The following PIWIL4 variants were observed in gnomAD, a reference collection of about 807,000 sequenced individuals.
PIWIL4 encodes piwi like RNA-mediated gene silencing 4.
In PIWIL4, 50 loss-of-function variants were observed where a neutral mutation model predicts 100.9. The ratio of observed to expected loss-of-function variants is 0.50; its 90% confidence interval spans 0.39 to 0.63. The LOEUF (loss-of-function observed/expected upper bound fraction) is 0.63, where lower values mean the gene tolerates loss of function less well. Among genes scored for constraint, PIWIL4 ranks in the 20% least tolerant of loss-of-function variants. The pLI, the probability that PIWIL4 is intolerant of heterozygous loss-of-function variation, is 0.00. For synonymous variants in PIWIL4, 342 were observed against 367.5 expected, an observed-to-expected ratio of 0.93 and a Z score of 0.79; for missense variants, 887 against 1,043.3, an observed-to-expected ratio of 0.85 and a Z score of 2.06.
intron 9 of PIWIL4, among the ~76,000 whole-genome samples, chr11:94,593,994 G>T (rs776502407): frequency 6.6e-6 from 1 of 152,044 alleles, no homozygotes; most frequent in Non-Finnish European, 1.5e-5. Flanking sequence ...TTCTTTTTGC[G>T]TGAATTTTCA....
intron 4 of PIWIL4, among the ~76,000 whole-genome samples, chr11:94,578,450 G>T (rs1459446831): frequency 2.0e-5 from 3 of 152,032 alleles, no homozygotes; most frequent in Non-Finnish European, 4.4e-5. Flanking sequence ...TCTCAATTAG[G>T]GCATGAACAA....
At chr11:94,597,716 C>A in intron 10 of PIWIL4, 88 bp from the exon 11 acceptor site, 1 of 876,386 alleles carries the variant, frequency 1.1e-6, no homozygotes. Context: ...AGCCAGGAAT[C>A]CTGAAGACAC....
In PIWIL4 at chr11:94,567,648, C is replaced by T. The variant is rs77281497; in HGVS notation, c.87+43C>T. 5.1e-5 allele frequency: 79 copies of T among 1,534,646 alleles called. No homozygotes were observed. The African/African-American group carries it at 1.0e-3, about 19-fold the overall frequency. ...TGCGCATGGTTTCGTTTTCTCCTAC[C>T]TCTGTCTCTAGCCTGAACAATGCCT... is the stretch of plus-strand genomic sequence containing the variant. On this transcript the variant is annotated intron_variant, in intron 1 of 19. Transcript: ENST00000299001.
At chr11:94,620,803 A>AGT in intron 19 of PIWIL4, 73 bp from the exon 20 acceptor site, 1 of 1,172,514 alleles carries the variant, frequency 8.5e-7, no homozygotes, top group Admixed American at 1.8e-5. Context: ...CAGTAGACAA[A>AGT]GTAAAATCAG....
At chr11:94,607,060 T>C (rs1480169913) in intron 13 of PIWIL4, among the ~76,000 whole-genome samples, 4 of 151,928 alleles carry the variant, frequency 2.6e-5, no homozygotes, top group African/African-American at 4.8e-5. Flanking sequence ...TCGAAAACCA[T>C]AGGAAAGGAT....
At chr11:94,596,387 A>C (rs1232963389) in intron 10 of PIWIL4, among the ~76,000 whole-genome samples, 1 of 152,126 alleles carries the variant, frequency 6.6e-6, no homozygotes, top group East Asian at 1.9e-4. Flanking sequence ...AAATGAGTGA[A>C]TCACAATTGA....
At chr11:94,610,225 A>G (rs892036943) in intron 15 of PIWIL4, among the ~76,000 whole-genome samples, 1 of 109,286 alleles carries the variant, frequency 9.2e-6, no homozygotes, top group Non-Finnish European at 2.0e-5. Context: ...ATAATATTCT[A>G]TTGTGTGTGT....
At chr11:94,612,917 G>A (rs1948802889) in intron 15 of PIWIL4, among the ~76,000 whole-genome samples, 1 of 151,890 alleles carries the variant, frequency 6.6e-6, no homozygotes, top group African/African-American at 2.4e-5. Flanking sequence ...TTTATTAATT[G>A]TATTGTTATT....
At position 94,567,583 on chromosome 11, in the gene PIWIL4, G is replaced by T; in HGVS notation, c.65G>T (p.Gly22Val). The change falls in exon 1 of 20, where the codon GGG becomes GTG. Residue 22 changes from glycine to valine, a missense_variant. Physicochemically the swap from Gly to Val is moderately radical, Grantham distance 109. This residue lies in a region of PIWIL4 where 146 missense variants were observed against 113.4 expected (regional missense o/e 1.29). Coordinates refer to ENST00000299001, the MANE Select transcript of PIWIL4 (RefSeq NM_152431.3). ...IARSPSATEVGRIQASPLPRS... is the reference protein window; with the variant it reads ...IARSPSATEVVRIQASPLPRS... ...CGCAGCCCCAGTGCCACAGAAGTGG[G>T]GCGCATCCAAGCCTCGCCATTGGTG... 6.2e-7 allele frequency: 1 copy of T among 1,606,164 alleles called. No individual in the cohort carries two copies. The highest frequency in any genetic ancestry group is 2.2e-5 in the East Asian group (1 of 44,662).
chr11:94,592,703 A>C (rs1244583352), intron 8 of PIWIL4, among the ~76,000 whole-genome samples: 11 of 152,186 alleles, frequency 7.2e-5, no homozygotes. Context: ...TTCTGTCACT[A>C]ATGTGGATTA....
rs765167256 is a variant in PIWIL4, at chr11:94,595,262, G to A, written c.1151-47G>A. 8 of 1,536,742 alleles carry A rather than the reference G, an allele frequency of 5.2e-6. No homozygotes were observed. In the South Asian group the frequency reaches 5.7e-5, roughly 11 times the overall value. On this transcript the variant is annotated intron_variant, in intron 9 of 19. Coordinates refer to ENST00000299001, the MANE Select transcript of PIWIL4 (RefSeq NM_152431.3). ...TTAAACTGGGCCTTTGATGGGCTGAGTTGCTTATGTTCATTTTCTCACTTT... is the reference window on the plus strand; with the variant it reads ...TTAAACTGGGCCTTTGATGGGCTGAATTGCTTATGTTCATTTTCTCACTTT...
chr11:94,588,012 G>C (rs1948427379), intron 7 of PIWIL4, among the ~76,000 whole-genome samples: 1 of 152,138 alleles, frequency 6.6e-6, no homozygotes, highest in African/African-American at 2.4e-5. Flanking sequence ...TTGTTAAGTA[G>C]GTAAAAGTGT....
Position 94,607,615 on chromosome 11 carries a change from C to A in PIWIL4, c.1815C>A (p.Gly605=). ...TGCAGATGACTTGCAAGCTCGGAGG[C>A]GAGCTGTGGGCTGTGGAAATACCTG... The part of the protein sequence containing the change: ...IAMQMTCKLG[G]ELWAVEIPLK... Residue 605 remains glycine, a synonymous_variant, in exon 14 of 20, where the codon GGC becomes GGA. Coordinates refer to ENST00000299001, the MANE Select transcript of PIWIL4 (RefSeq NM_152431.3). The A allele has an allele frequency of 1.9e-6, 3 of 1,613,928 alleles. No individual in the cohort carries two copies. The highest frequency in any genetic ancestry group is 2.5e-6 in the Non-Finnish European group (3 of 1,179,992).
chr11:94,590,063 AAAAC>A (rs1309997981), intron 8 of PIWIL4, among the ~76,000 whole-genome samples: 4 of 152,236 alleles, frequency 2.6e-5, no homozygotes, highest in African/African-American at 7.2e-5. Context: ...TATTCAGGTT[AAAAC>A]AAACAAACAA....
chr11:94,593,611 C>A lies in PIWIL4; in HGVS notation c.1120C>A (p.His374Asn). Reference sequence around the variant, plus strand: ...TGACAACAGTGAGGCTCAGCTCGCCCACCTGATACCTGAGCTCTGCTTTCT... The same window carrying A: ...TGACAACAGTGAGGCTCAGCTCGCCAACCTGATACCTGAGCTCTGCTTTCT... ...RNDNSEAQLA[H>N]LIPELCFLTG... Residue 374 changes from histidine to asparagine, a missense_variant, in exon 9 of 20, where the codon CAC becomes AAC. Transcript: ENST00000299001. The A allele has an allele frequency of 3.7e-6, 6 of 1,613,970 alleles. No homozygotes were observed. Among genetic ancestry groups the A allele is most frequent in the Non-Finnish European group, 5.1e-6 (6 of 1,179,916 alleles).
At position 94,575,004 on chromosome 11, in the gene PIWIL4, T is replaced by C; in HGVS notation, c.172T>C (p.Tyr58His). The change falls in exon 3 of 20, where the codon TAT becomes CAT. Residue 58 changes from tyrosine (Y) to histidine (H), a missense_variant. Transcript: ENST00000299001. ...GTSRISTNDK[Y>H]GISSGDAGST... ...ACATTCTCTTCATGTTTTAGATAAATATGGGATATCTTCTGGTGATGCTGG... is the reference window on the plus strand; with the variant it reads ...ACATTCTCTTCATGTTTTAGATAAACATGGGATATCTTCTGGTGATGCTGG... 3 of 1,612,096 alleles carry C rather than the reference T, an allele frequency of 1.9e-6. No homozygotes were observed. Among genetic ancestry groups the C allele is most frequent in the Non-Finnish European group, 2.5e-6 (3 of 1,178,406 alleles).
chr11:94,614,699 T>G (rs1948827058), intron 15 of PIWIL4, among the ~76,000 whole-genome samples: 1 of 152,226 alleles, frequency 6.6e-6, no homozygotes, highest in Admixed American at 6.5e-5. Context: ...ATTGGCTATC[T>G]TTGGGAGAGA....
At chr11:94,596,856 T>C (rs1948565534) in intron 10 of PIWIL4, among the ~76,000 whole-genome samples, 1 of 152,156 alleles carries the variant, frequency 6.6e-6, no homozygotes, top group Non-Finnish European at 1.5e-5. Context: ...AGAGAAGACA[T>C]AATCCGAATA....
rs573635739 is a variant in PIWIL4, at chr11:94,591,708, AT to A, written c.1027-1808del. On this transcript the variant is annotated intron_variant, in intron 8 of 19. Transcript: ENST00000299001. ...ATGAGTTGTGCTTCACTGCATATAT[AT>A]TGTAATTAGGGAGGAAAAGAAAGAA... is the stretch of plus-strand genomic sequence containing the variant. 2.6e-5 allele frequency among the ~76,000 whole-genome samples: 4 copies of A among 152,116 alleles called. No individual in the cohort carries two copies. In the South Asian group the frequency reaches 8.3e-4, roughly 32 times the overall value.
Sources: gnomAD v4.1 joint callset for allele counts (sites outside exome capture counted in the v4.1 genomes callset) on GRCh38, gnomAD v4.1.1 for gene constraint, gnomAD v4.1.1 regional missense constraint, MANE v1.5 for transcripts, NCBI Gene and HGNC (gene_info 2026-07-23, HGNC 2026-07-21) for gene names.